TAOK3: variants seen among roughly 807,000 people sequenced by gnomAD.
TAOK3 encodes the protein serine/threonine-protein kinase TAO3.
In TAOK3, 40 loss-of-function variants were observed where a neutral mutation model predicts 120.4. The observed-to-expected ratio is 0.33, with a 90% confidence interval of 0.26 to 0.43. TAOK3 has a LOEUF of 0.43. Among genes scored for constraint, TAOK3 ranks in the 20% least tolerant of loss-of-function variants. The pLI is 1.00. For missense variants in TAOK3, 821 were observed against 1,112.1 expected, an observed-to-expected ratio of 0.74 and a Z score of 3.72; for synonymous variants, 355 against 387.5, an observed-to-expected ratio of 0.92 and a Z score of 0.99.
At chr12:118,208,237 G>C (rs1260179912) in intron 11 of TAOK3, among the ~76,000 whole-genome samples, 6 of 152,100 alleles carry the variant, frequency 3.9e-5, no homozygotes. Context: ...TGAAAGTGAT[G>C]TTTTAATGTC....
At chr12:118,254,451 A>G (rs2040891328) in intron 3 of TAOK3, among the ~76,000 whole-genome samples, 1 of 150,476 alleles carries the variant, frequency 6.6e-6, no homozygotes, top group Non-Finnish European at 1.5e-5. Context: ...TTATTTAGGG[A>G]AAAAGACATA....
intron 16 of TAOK3, among the ~76,000 whole-genome samples, chr12:118,173,124 G>C (rs1281602598): frequency 2.0e-5 from 3 of 152,112 alleles, no homozygotes; most frequent in African/African-American, 7.2e-5. Context: ...ATTTAATCTT[G>C]GTAGTAACTA....
intron 17 of TAOK3, among the ~76,000 whole-genome samples, chr12:118,164,150 G>A (rs1305195522): frequency 6.6e-6 from 1 of 151,298 alleles, no homozygotes; most frequent in Non-Finnish European, 1.5e-5. Context: ...GTGAAACCCC[G>A]TCTCCACTTA....
At chr12:118,201,241 A>G in intron 12 of TAOK3, 55 bp downstream of exon 12, 1 of 1,528,992 alleles carries the variant, frequency 6.5e-7, no homozygotes, top group Admixed American at 1.9e-5. Flanking sequence ...CCAGTCTAGA[A>G]CTTTTTCACA....
intron 14 of TAOK3, among the ~76,000 whole-genome samples, chr12:118,182,084 T>G (rs549393652): frequency 1.8e-4 from 27 of 150,794 alleles, no homozygotes; most frequent in Non-Finnish European, 2.8e-4. Context: ...ACTTGGGAGG[T>G]TGAGGCAGGA....
intron 1 of TAOK3, among the ~76,000 whole-genome samples, chr12:118,304,591 A>T (rs2042984150): frequency 1.3e-5 from 2 of 152,000 alleles, no homozygotes; most frequent in South Asian, 2.1e-4. Flanking sequence ...ATGTTCTCTT[A>T]AAAAAAATGT....
At chr12:118,177,999 T>C (rs2036455968) in intron 15 of TAOK3, among the ~76,000 whole-genome samples, 2 of 152,002 alleles carry the variant, frequency 1.3e-5, no homozygotes. Context: ...CAGGCTGGAG[T>C]GCAGTGGCTC....
In TAOK3 at chr12:118,204,929, A is replaced by ATTACAT. The variant is rs569096346; in HGVS notation, c.820-3467_820-3466insATGTAA. Among the ~76,000 whole-genome samples the ATTACAT allele has an allele frequency of 8.7e-3, 1,324 of 152,258 alleles. 11 individuals carry two copies. Among genetic ancestry groups the ATTACAT allele is most frequent in the African/African-American group, 0.029 (1,220 of 41,556 alleles). Reference sequence around the variant, plus strand: ...ACAACTGTAATCCCAGCACTTGGGGAGGCCGAGGCAGGGGGATCACATGAG... The same window carrying ATTACAT: ...ACAACTGTAATCCCAGCACTTGGGGATTACATGGCCGAGGCAGGGGGATCACATGAG... On this transcript the variant is annotated intron_variant, in intron 11 of 20. Coordinates refer to ENST00000392533, the MANE Select transcript of TAOK3 (RefSeq NM_016281.4).
intron 9 of TAOK3, 87 bp from the exon 10 acceptor site, chr12:118,214,197 G>A (rs1274187279): frequency 7.7e-6 from 8 of 1,034,470 alleles, no homozygotes; most frequent in Non-Finnish European, 1.1e-5. Context: ...AAGCTTTGCG[G>A]CTAAATCAAT....
chr12:118,220,863 C>A lies in TAOK3; in HGVS notation c.644-6753G>T, dbSNP rs549418668. Among the ~76,000 whole-genome samples the A allele has an allele frequency of 7.7e-4, 117 of 152,272 alleles. 1 individual carries two copies. Among genetic ancestry groups the A allele is most frequent in the African/African-American group, 2.6e-3 (107 of 41,572 alleles). On this transcript the variant is annotated intron_variant, in intron 9 of 20. Coordinates refer to ENST00000392533, the MANE Select transcript of TAOK3 (RefSeq NM_016281.4). ...TAGAACAGCTCTATAGTCTGGGAAG[C>A]ATTCTCTGAGTATTAGCTTCAAGTG...
chr12:118,203,751 A>G (rs1761259113), intron 11 of TAOK3, among the ~76,000 whole-genome samples: 1 of 152,036 alleles, frequency 6.6e-6, no homozygotes, highest in South Asian at 2.1e-4. Flanking sequence ...AGGACTGGGA[A>G]AGGTAGGGTT....
At chr12:118,194,752 T>C (rs901413890) in intron 13 of TAOK3, among the ~76,000 whole-genome samples, 1 of 151,940 alleles carries the variant, frequency 6.6e-6, no homozygotes, top group Non-Finnish European at 1.5e-5. Flanking sequence ...ATGGCTTTTT[T>C]TCCCCCTCCA....
chr12:118,310,246 T>C (rs551364194), intron 1 of TAOK3, among the ~76,000 whole-genome samples: 18 of 152,360 alleles, frequency 1.2e-4, no homozygotes, highest in Non-Finnish European at 2.2e-4. Context: ...ATCGTGCCAC[T>C]GCACTCAACC....
chr12:118,168,250 T>G (rs948678343), intron 17 of TAOK3, among the ~76,000 whole-genome samples: 2 of 152,230 alleles, frequency 1.3e-5, no homozygotes, highest in Non-Finnish European at 2.9e-5. Context: ...ACTGGAGCTC[T>G]AATGCACTCA....
At chr12:118,265,838 A>G (rs1451772456) in intron 2 of TAOK3, among the ~76,000 whole-genome samples, 1 of 152,122 alleles carries the variant, frequency 6.6e-6, no homozygotes, top group Non-Finnish European at 1.5e-5. Context: ...TTGATCTGTA[A>G]GTTTGGGTTT....
chr12:118,247,397 A>T (rs1292143143), intron 3 of TAOK3, among the ~76,000 whole-genome samples: 2 of 152,194 alleles, frequency 1.3e-5, no homozygotes, highest in Non-Finnish European at 2.9e-5. Context: ...CTCCAAATGT[A>T]ACAGTTCATT....
chr12:118,358,963 T>C (rs1163390800), intron 1 of TAOK3: 3 of 152,208 alleles, frequency 2.0e-5, no homozygotes, highest in African/African-American at 7.2e-5. Context: ...CAGTTCAACA[T>C]ACTAAAGACT....
chr12:118,238,904 A>G (rs549500997), intron 6 of TAOK3, among the ~76,000 whole-genome samples: 2 of 152,336 alleles, frequency 1.3e-5, no homozygotes, highest in East Asian at 1.9e-4. Context: ...TTTAACATCA[A>G]TATAACGTGA....
chr12:118,337,724 G>A (rs1361084485), intron 1 of TAOK3, among the ~76,000 whole-genome samples: 1 of 152,192 alleles, frequency 6.6e-6, no homozygotes, highest in African/African-American at 2.4e-5. Flanking sequence ...TAGACATGAA[G>A]AACAGATTAG....
Sources: allele counts gnomAD v4.1 joint callset (sites outside exome capture counted in the v4.1 genomes callset), GRCh38; gene constraint gnomAD v4.1.1; transcripts MANE v1.5; gene names NCBI Gene and HGNC (gene_info 2026-07-23, HGNC 2026-07-21).